ADCY10: variants seen among roughly 807,000 people sequenced by gnomAD.
ADCY10 encodes adenylate cyclase type 10.
Under a neutral mutation model 183.3 loss-of-function variants are expected in ADCY10, and 156 were observed. That is an observed-to-expected ratio of 0.85 (90% confidence interval 0.75 to 0.97). The LOEUF (loss-of-function observed/expected upper bound fraction) is 0.97, where lower values mean the gene tolerates loss of function less well. Among genes scored for constraint, ADCY10 ranks in the 50% least tolerant of loss-of-function variants. The pLI is 0.00. For synonymous variants in ADCY10, 645 were observed against 670.0 expected (o/e 0.96, Z 0.58); for missense variants, 1,745 against 1,934.3 (o/e 0.90, Z 1.84).
intron 6 of ADCY10, among the ~76,000 whole-genome samples, chr1:167,898,328 T>C (rs1669148505): frequency 6.6e-6 from 1 of 152,004 alleles, no homozygotes; most frequent in Non-Finnish European, 1.5e-5. Flanking sequence ...AGGCTGGGCG[T>C]GGTGGCTTAC....
intron 21 of ADCY10, among the ~76,000 whole-genome samples, chr1:167,841,001 C>T (rs895416775): frequency 6.7e-6 from 1 of 149,102 alleles, no homozygotes; most frequent in Admixed American, 6.7e-5. Context: ...AGTGCAGTGG[C>T]GCCATCATAG....
chr1:167,857,863 T>C (rs779055406), intron 16 of ADCY10, among the ~76,000 whole-genome samples: 2 of 152,228 alleles, frequency 1.3e-5, no homozygotes, highest in Non-Finnish European at 2.9e-5. Context: ...CCAAACAAGA[T>C]TCTGCTTCAG....
chr1:167,840,608 G>A lies in ADCY10; in HGVS notation c.3008-3290C>T, dbSNP rs61461061. Among the ~76,000 whole-genome samples, 270 of 151,918 alleles carry A rather than the reference G, an allele frequency of 1.8e-3. 2 individuals carry two copies. Among genetic ancestry groups the A allele is most frequent in the African/African-American group, 6.2e-3 (258 of 41,438 alleles). On this transcript the variant is annotated intron_variant, in intron 21 of 32. Coordinates refer to ENST00000367851, the MANE Select transcript of ADCY10 (RefSeq NM_018417.6). ...CCTGACCTTGTGATCTGCCTGCCTC[G>A]GCCTCACAAAGTGCTGCAATTACAG...
intron 14 of ADCY10, among the ~76,000 whole-genome samples, chr1:167,869,206 G>A (rs1262581690): frequency 3.9e-5 from 6 of 152,136 alleles, no homozygotes. Flanking sequence ...CTCTTATATA[G>A]GAGTTATAAT....
chr1:167,811,025 T>C, intron 31 of ADCY10, 112 bp from the exon 32 acceptor site: 1 of 1,015,080 alleles, frequency 9.9e-7, no homozygotes, highest in Non-Finnish European at 1.5e-6. Context: ...AGCAATCAAG[T>C]GAGAAAATAC....
chr1:167,896,763 G>A (rs982770910), intron 6 of ADCY10, 72 bp from the exon 7 acceptor site: 5 of 1,078,500 alleles, frequency 4.6e-6, no homozygotes, highest in Non-Finnish European at 7.2e-6. Flanking sequence ...TAATTTCTTA[G>A]CAGAAAGAGA....
chr1:167,837,015 A>T (rs1390539430), intron 22 of ADCY10: 4 of 504,172 alleles, frequency 7.9e-6, no homozygotes, highest in Non-Finnish European at 1.4e-5. Flanking sequence ...ACAGAGCGAG[A>T]CTCCATCTTG....
At chr1:167,820,592 CA>C (rs756605187) in intron 30 of ADCY10, 1 of 219,900 alleles carries the variant, frequency 4.5e-6, no homozygotes, top group Non-Finnish European at 8.8e-6. Context: ...CTTTAATTGG[CA>C]AGAGTAATCA....
Position 167,888,181 on chromosome 1 carries a change from C to G in ADCY10, c.829-4553G>C, listed in dbSNP as rs2140027. 7.5e-3 allele frequency among the ~76,000 whole-genome samples: 1,141 copies of G among 152,194 alleles called. 9 individuals carry two copies. Among genetic ancestry groups the G allele is most frequent in the African/African-American group, 0.026 (1,088 of 41,512 alleles). On this transcript the variant is annotated intron_variant, in intron 8 of 32. Coordinates refer to ENST00000367851, the MANE Select transcript of ADCY10 (RefSeq NM_018417.6). The stretch of plus-strand genomic sequence containing the variant: ...TACTATGCTATTTGGGTTGCTATAG[C>G]TGTGGTATAATTTGAAGTCAGATAA...
intron 19 of ADCY10, among the ~76,000 whole-genome samples, 195 bp downstream of exon 19, chr1:167,848,166 C>T (rs1396967822): frequency 6.6e-6 from 1 of 151,976 alleles, no homozygotes; most frequent in South Asian, 2.1e-4. Context: ...AAGCAATTCT[C>T]CTGCCTCAGC....
chr1:167,913,581 T>C (rs560574995), intron 1 of ADCY10, among the ~76,000 whole-genome samples: 22 of 152,330 alleles, frequency 1.4e-4, no homozygotes, highest in African/African-American at 5.3e-4. Context: ...CTATTTTGTC[T>C]TCATCTGAAT....
chr1:167,846,488 A>T (rs1187280828), intron 19 of ADCY10, among the ~76,000 whole-genome samples: 3 of 152,248 alleles, frequency 2.0e-5, no homozygotes, highest in Admixed American at 1.3e-4. Flanking sequence ...GACACACAGC[A>T]CAATGACCTG....
chr1:167,903,063 T>A (rs562562231), intron 3 of ADCY10, among the ~76,000 whole-genome samples: 1 of 152,180 alleles, frequency 6.6e-6, no homozygotes, highest in South Asian at 2.1e-4. Flanking sequence ...GAGACCAGCC[T>A]GGCCAACATG....
chr1:167,810,983 C>T, intron 31 of ADCY10, 70 bp from the exon 32 acceptor site: 1 of 1,418,178 alleles, frequency 7.1e-7, no homozygotes. Flanking sequence ...TTATTTCCTT[C>T]ACAGATGATT....
chr1:167,844,559 A>C (rs1460491433), intron 21 of ADCY10, among the ~76,000 whole-genome samples: 1 of 152,220 alleles, frequency 6.6e-6, no homozygotes, highest in African/African-American at 2.4e-5. Flanking sequence ...GATTGAATAA[A>C]GCCTGTCACT....
Position 167,860,939 on chromosome 1 carries a change from G to A in ADCY10, c.1741C>T (p.Arg581Ter), listed in dbSNP as rs764401962. Residue 581 changes from arginine (R) to a stop codon, truncating the protein, a stop_gained, in exon 15 of 33, where the codon CGA (arginine) becomes TGA (stop). Transcript: ENST00000367851. LOFTEE classifies it high-confidence loss of function. ...TCCAACAGTGTCATGACTTTATTTC[G>A]AAGGTTGGTCTGTCGTTCTTTATAA... ...KHYKERQTNL[R>*]NKVMTLLDEK... 7.4e-6 allele frequency: 12 copies of A among 1,613,988 alleles called. No individual in the cohort carries two copies. The highest frequency in any genetic ancestry group is 1.7e-5 in the Admixed American group (1 of 60,006).
chr1:167,881,068 T>C (rs1667841357), intron 9 of ADCY10, among the ~76,000 whole-genome samples: 1 of 152,230 alleles, frequency 6.6e-6, no homozygotes. Flanking sequence ...ATGGATATAC[T>C]GTAGACCTGC....
At chr1:167,833,893 T>G in intron 24 of ADCY10, 77 bp downstream of exon 24, 1 of 1,137,084 alleles carries the variant, frequency 8.8e-7, no homozygotes, top group Non-Finnish European at 1.3e-6. Flanking sequence ...GTGTAGAAAG[T>G]ATAGGGATGA....
intron 21 of ADCY10, among the ~76,000 whole-genome samples, chr1:167,840,948 T>C (rs1267901264): frequency 8.6e-6 from 1 of 115,868 alleles, no homozygotes; most frequent in Non-Finnish European, 1.6e-5. Flanking sequence ...TGATTTTTTT[T>C]TTTTTTTTTT....
Sources: gnomAD v4.1 joint callset for allele counts (sites outside exome capture counted in the v4.1 genomes callset) on GRCh38, gnomAD v4.1.1 for gene constraint, MANE v1.5 for transcripts, NCBI Gene and HGNC (gene_info 2026-07-23, HGNC 2026-07-21) for gene names.